KCNH8: variants seen among roughly 807,000 people sequenced by gnomAD.
KCNH8 encodes voltage-gated delayed rectifier potassium channel KCNH8.
Under a neutral mutation model 103.6 loss-of-function variants are expected in KCNH8, and 70 were observed. The observed-to-expected ratio is 0.68, with a 90% CI of 0.56 to 0.82. The LOEUF is 0.82. Ranked by LOEUF, KCNH8 falls within the 40% of genes least tolerant of loss-of-function variation. The pLI is 0.00. For synonymous variants in KCNH8, 498 were observed against 489.4 expected, an observed-to-expected ratio of 1.02 and a Z score of -0.23; for missense variants, 1,217 against 1,329.9, an observed-to-expected ratio of 0.92 and a Z score of 1.32.
At chr3:19,270,516 G>C (rs567171251) in intron 2 of KCNH8, among the ~76,000 whole-genome samples, 1 of 152,186 alleles carries the variant, frequency 6.6e-6, no homozygotes, top group East Asian at 1.9e-4. Context: ...TAAGCTTATT[G>C]GTGCTGATAC....
At chr3:19,276,175 A>ATGTGTGTG (rs59768467) in intron 2 of KCNH8, among the ~76,000 whole-genome samples, 1,526 of 141,970 alleles carry the variant, frequency 0.011, 12 homozygotes, top group Non-Finnish European at 0.015. Context: ...CAATATGTAT[A>ATGTGTGTG]TGTGTGTGTG....
At chr3:19,230,230 G>A (rs1179235942) in intron 1 of KCNH8, among the ~76,000 whole-genome samples, 1 of 152,178 alleles carries the variant, frequency 6.6e-6, no homozygotes, top group African/African-American at 2.4e-5. Context: ...ATGAGATTTG[G>A]TTGGGGACAC....
intron 1 of KCNH8, among the ~76,000 whole-genome samples, chr3:19,151,234 A>C (rs77911940): frequency 0.059 from 8,986 of 152,070 alleles, 844 homozygotes; most frequent in African/African-American, 0.2. Flanking sequence ...CCTTACTTCT[A>C]TTGATTTTTA....
chr3:19,252,050 T>A (rs535966140), intron 1 of KCNH8, among the ~76,000 whole-genome samples: 2 of 152,176 alleles, frequency 1.3e-5, no homozygotes, highest in African/African-American at 4.8e-5. Context: ...GTGTCCAACA[T>A]TTGTTTCTTG....
At chr3:19,459,360 G>C (rs2067585178) in intron 11 of KCNH8, among the ~76,000 whole-genome samples, 1 of 151,644 alleles carries the variant, frequency 6.6e-6, no homozygotes, top group Admixed American at 6.6e-5. Context: ...TCATATAACT[G>C]TTGGCCTTTT....
At chr3:19,447,071 A>G (rs113281010) in intron 8 of KCNH8, among the ~76,000 whole-genome samples, 7 of 152,186 alleles carry the variant, frequency 4.6e-5, no homozygotes, top group African/African-American at 1.7e-4. Flanking sequence ...CAAATTTGCT[A>G]GAAATAAAGG....
Position 19,376,523 on chromosome 3 carries a change from G to A in KCNH8, c.812-13958G>A, listed in dbSNP as rs542265210. On this transcript the variant is annotated intron_variant, in intron 5 of 15. Transcript: ENST00000328405. ...TGGCACTCCCAAGTGAGATGAACCCGGTACCTCAGATGGAAATGCAGAAAT... is the reference window on the plus strand; with the variant it reads ...TGGCACTCCCAAGTGAGATGAACCCAGTACCTCAGATGGAAATGCAGAAAT... 2.2e-3 allele frequency among the ~76,000 whole-genome samples: 339 copies of A among 152,190 alleles called. 2 individuals carry two copies. Among genetic ancestry groups the A allele is most frequent in the Non-Finnish European group, 3.5e-3 (235 of 67,992 alleles).
chr3:19,355,496 A>G (rs966496038), intron 5 of KCNH8, among the ~76,000 whole-genome samples: 3 of 152,188 alleles, frequency 2.0e-5, no homozygotes, highest in East Asian at 1.9e-4. Flanking sequence ...ATGTCCATCA[A>G]TGATAGACTG....
At chr3:19,376,261 C>T (rs1299878203) in intron 5 of KCNH8, among the ~76,000 whole-genome samples, 1 of 152,170 alleles carries the variant, frequency 6.6e-6, no homozygotes, top group Admixed American at 6.5e-5. Flanking sequence ...ACTCTGTGGG[C>T]GTAGGACCCT....
intron 15 of KCNH8, among the ~76,000 whole-genome samples, chr3:19,525,189 A>ATATAT (rs1267910976): frequency 6.6e-6 from 1 of 151,888 alleles, no homozygotes; most frequent in East Asian, 1.9e-4. Flanking sequence ...TAACATAAAT[A>ATATAT]TATATTATTT....
At chr3:19,522,751 T>TTGATGGGAA (rs2068994084) in intron 15 of KCNH8, among the ~76,000 whole-genome samples, 1 of 151,850 alleles carries the variant, frequency 6.6e-6, no homozygotes. Context: ...CTAAACTGCT[T>TTGATGGGAA]TGATGGGAAT....
intron 11 of KCNH8, among the ~76,000 whole-genome samples, chr3:19,484,562 C>T (rs77077560): frequency 0.044 from 6,622 of 152,164 alleles, 353 homozygotes; most frequent in East Asian, 0.26. Flanking sequence ...TGTCCAGGCT[C>T]GGTTTTGTCT....
intron 1 of KCNH8, among the ~76,000 whole-genome samples, chr3:19,154,201 A>G (rs1277037419): frequency 6.6e-6 from 1 of 152,204 alleles, no homozygotes; most frequent in Non-Finnish European, 1.5e-5. Context: ...GAATGATTGT[A>G]TCATATATGA....
intron 1 of KCNH8, among the ~76,000 whole-genome samples, chr3:19,157,327 A>G (rs1346068074): frequency 2.6e-5 from 4 of 152,218 alleles, no homozygotes; most frequent in South Asian, 2.1e-4. Context: ...TTGATGAGTT[A>G]TGGAAAAGAA....
At chr3:19,448,143 T>A (rs1051543376) in intron 8 of KCNH8, among the ~76,000 whole-genome samples, 16 of 152,110 alleles carry the variant, frequency 1.1e-4, no homozygotes, top group Non-Finnish European at 1.5e-4. Flanking sequence ...TTTTGATACA[T>A]ATACTAGGCA....
chr3:19,378,779 G>A (rs1411067060), intron 5 of KCNH8, among the ~76,000 whole-genome samples: 1 of 152,204 alleles, frequency 6.6e-6, no homozygotes, highest in Non-Finnish European at 1.5e-5. Context: ...TTGGGGCACA[G>A]TTTTGACTCT....
rs138721991 is a variant in KCNH8 at position 19,413,570 on chromosome 3, T to C, written c.1177+18259T>C. Among the ~76,000 whole-genome samples, 371 of 152,062 alleles carry C rather than the reference T, an allele frequency of 2.4e-3. 3 individuals carry two copies. Among genetic ancestry groups the C allele is most frequent in the African/African-American group, 8.7e-3 (360 of 41,516 alleles). On this transcript the variant is annotated intron_variant, in intron 7 of 15. Coordinates refer to ENST00000328405, the MANE Select transcript of KCNH8 (RefSeq NM_144633.3). ...AAAGTTGAAAAAGAAAACAAGAGAT[T>C]AGAACAGAGACAATATACATGGCTA...
intron 3 of KCNH8, among the ~76,000 whole-genome samples, chr3:19,292,213 C>T (rs951907825): frequency 6.6e-6 from 1 of 152,132 alleles, no homozygotes; most frequent in Admixed American, 6.6e-5. Context: ...CTGGCTTATT[C>T]ATTATGTGAT....
intron 3 of KCNH8, among the ~76,000 whole-genome samples, chr3:19,337,858 T>A (rs1467513006): frequency 1.3e-5 from 2 of 152,032 alleles, no homozygotes; most frequent in Non-Finnish European, 2.9e-5. Flanking sequence ...CTCATGTCAT[T>A]TGAAAGTTTA....
Sources: allele counts gnomAD v4.1 joint callset (sites outside exome capture counted in the v4.1 genomes callset), GRCh38; gene constraint gnomAD v4.1.1; transcripts MANE v1.5; gene names NCBI Gene and HGNC (gene_info 2026-07-23, HGNC 2026-07-21).